The following TSPO variants were observed in gnomAD, a reference collection of about 807,000 sequenced individuals.
TSPO encodes translocator protein.
A neutral mutation model predicts 13.9 loss-of-function variants in TSPO; 14 were observed. The observed-to-expected ratio is 1.01, with a 90% CI of 0.67 to 1.58. The LOEUF (loss-of-function observed/expected upper bound fraction) is 1.58. TSPO is among the 40% of genes most tolerant of loss of function. The pLI is 0.00. For synonymous variants in TSPO, 114 were observed against 105.9 expected (o/e 1.08, Z -0.47); for missense variants, 232 against 229.6 (o/e 1.01, Z -0.07).
At chr22:43,155,513 C>T (rs544185829) in intron 1 of TSPO, among the ~76,000 whole-genome samples, 28 of 152,334 alleles carry the variant, frequency 1.8e-4, no homozygotes, top group African/African-American at 6.5e-4. Flanking sequence ...GATAAGGTCT[C>T]GTCACAGGTC....
chr22:43,153,220 C>T (rs1931143378), intron 1 of TSPO, among the ~76,000 whole-genome samples: 1 of 151,582 alleles, frequency 6.6e-6, no homozygotes, highest in African/African-American at 2.4e-5. Context: ...GTGATGCAAT[C>T]ATAGCTCACT....
At chr22:43,157,438 CTG>C (rs1931288777) in intron 1 of TSPO, among the ~76,000 whole-genome samples, 1 of 152,126 alleles carries the variant, frequency 6.6e-6, no homozygotes, top group African/African-American at 2.4e-5. Context: ...GATGGGGTAA[CTG>C]TCCCCATTCA....
Position 43,162,927 on chromosome 22 carries a change from C to T in TSPO, c.446C>T (p.Thr149Ile), listed in dbSNP as rs1258626809. 6.3e-7 allele frequency: 1 copy of T among 1,598,146 alleles called. No individual in the cohort carries two copies. The highest frequency in any genetic ancestry group is 1.3e-5 in the African/African-American group (1 of 74,784). ...CTGGCCTGGCTGGCCTTCACGACCA[C>T]ACTCAACTACTGCGTATGGCGGGAC... is the stretch of plus-strand genomic sequence containing the variant. ...PYLAWLAFTT[T>I]LNYCVWRDNH... is the part of the protein sequence containing the mutation. Residue 149 changes from threonine to isoleucine, a missense_variant, in exon 4 of 4, where the codon ACA (threonine) becomes ATA (isoleucine). Physicochemically the swap from Thr to Ile is moderately conservative, Grantham distance 89. Transcript: ENST00000337554.
At chr22:43,154,831 C>G (rs1931200534) in intron 1 of TSPO, among the ~76,000 whole-genome samples, 1 of 152,122 alleles carries the variant, frequency 6.6e-6, no homozygotes, top group Non-Finnish European at 1.5e-5. Flanking sequence ...CCTGGAGACC[C>G]TGGGTCCCAC....
intron 3 of TSPO, among the ~76,000 whole-genome samples, chr22:43,161,792 G>A (rs1004115792): frequency 6.6e-6 from 1 of 152,036 alleles, no homozygotes; most frequent in Non-Finnish European, 1.5e-5. Flanking sequence ...GTAAGCCACC[G>A]CGCCCGGCTG....
At chr22:43,156,817 T>C (rs1931265274) in intron 1 of TSPO, among the ~76,000 whole-genome samples, 2 of 152,202 alleles carry the variant, frequency 1.3e-5, no homozygotes, top group Non-Finnish European at 2.9e-5. Context: ...GCTGGTGGTA[T>C]TAACCTTGCT....
At position 43,154,246 on chromosome 22, in the gene TSPO, A is replaced by G. The variant is rs192155835; in HGVS notation, c.-30+2642A>G. On this transcript the variant is annotated intron_variant, in intron 1 of 3. Transcript: ENST00000337554. ...CCTGGGACAGTGCTGGCTTCGTTGG[A>G]GAGACAAGGCTCAGGGGAGTGGGTG... is the stretch of plus-strand genomic sequence containing the variant. 4.4e-3 allele frequency among the ~76,000 whole-genome samples: 671 copies of G among 152,132 alleles called. 6 individuals carry two copies. Among genetic ancestry groups the G allele is most frequent in the African/African-American group, 0.015 (638 of 41,476 alleles).
chr22:43,161,271 C>A, intron 3 of TSPO, 81 bp downstream of exon 3: 1 of 1,540,570 alleles, frequency 6.5e-7, no homozygotes, highest in South Asian at 1.2e-5. Context: ...GACACTGGGT[C>A]AGTGTCTATA....
At chr22:43,162,185 G>C (rs890292960) in intron 3 of TSPO, among the ~76,000 whole-genome samples, 1 of 151,640 alleles carries the variant, frequency 6.6e-6, no homozygotes, top group Non-Finnish European at 1.5e-5. Context: ...GCAGTGGCGT[G>C]ATCTCAGCTC....
At position 43,159,322 on chromosome 22, in the gene TSPO, C is replaced by G; in HGVS notation, c.84C>G (p.Gly28=). Reference sequence around the variant, plus strand: ...TCGTGGGCTCCCGCTTTGTCCACGGCGAGGGTCTCCGCTGGTACGCCGGCC... The same window carrying G: ...TCGTGGGCTCCCGCTTTGTCCACGGGGAGGGTCTCCGCTGGTACGCCGGCC... The part of the protein sequence containing the change: ...GCFVGSRFVH[G]EGLRWYAGLQ... The change falls in exon 2 of 4, where the codon GGC becomes GGG. Residue 28 remains glycine (G), a synonymous_variant. Transcript: ENST00000337554. 2 of 1,549,248 alleles carry G rather than the reference C, an allele frequency of 1.3e-6. No homozygotes were observed. Among genetic ancestry groups the G allele is most frequent in the East Asian group, 4.9e-5 (2 of 40,960 alleles).
At position 43,159,333 on chromosome 22, in the gene TSPO, G is replaced by A. The variant is rs1931358056; in HGVS notation, c.95G>A (p.Arg32His). 6.5e-7 allele frequency: 1 copy of A among 1,548,292 alleles called. No homozygotes were observed. The highest frequency in any genetic ancestry group is 8.7e-7 in the Non-Finnish European group (1 of 1,146,558). ...CGCTTTGTCCACGGCGAGGGTCTCC[G>A]CTGGTACGCCGGCCTGCAGAAGCCC... ...GSRFVHGEGL[R>H]WYAGLQKPSW... The change falls in exon 2 of 4, where the codon CGC becomes CAC. Residue 32 changes from arginine (R) to histidine (H), a missense_variant. Arg to His is a conservative substitution (Grantham distance 29, BLOSUM62 0). Coordinates refer to ENST00000337554, the MANE Select transcript of TSPO (RefSeq NM_000714.6).
At chr22:43,159,523 T>C in intron 2 of TSPO, 103 bp downstream of exon 2, 5 of 1,221,890 alleles carry the variant, frequency 4.1e-6, no homozygotes, top group Non-Finnish European at 5.3e-6. Context: ...GACCATGGCA[T>C]GGTTTCCCCA....
At chr22:43,152,869 C>G (rs1363142097) in intron 1 of TSPO, among the ~76,000 whole-genome samples, 1 of 152,212 alleles carries the variant, frequency 6.6e-6, no homozygotes, top group African/African-American at 2.4e-5. Flanking sequence ...CGTCTGTACA[C>G]ACTTGTGCCT....
At chr22:43,152,280 G>T (rs1194286364) in intron 1 of TSPO, 1 of 152,308 alleles carries the variant, frequency 6.6e-6, no homozygotes. Context: ...GCTGCCAGAG[G>T]CCATGGCCTG....
At chr22:43,154,011 G>C (rs1472006972) in intron 1 of TSPO, among the ~76,000 whole-genome samples, 2 of 152,110 alleles carry the variant, frequency 1.3e-5, no homozygotes, top group Non-Finnish European at 2.9e-5. Context: ...CGAAGGAAAG[G>C]GAAGTAGTCT....
In TSPO at chr22:43,157,009, G is replaced by A. The variant is rs368551565; in HGVS notation, c.-29-2201G>A. ...GTCACTCAGCTGTGGACTCACGCAGGCTCCAGCAGAGCAGCGGTTATGTCT... is the reference window on the plus strand; with the variant it reads ...GTCACTCAGCTGTGGACTCACGCAGACTCCAGCAGAGCAGCGGTTATGTCT... On this transcript the variant is annotated intron_variant, in intron 1 of 3. Coordinates refer to ENST00000337554, the MANE Select transcript of TSPO (RefSeq NM_000714.6). Among the ~76,000 whole-genome samples the A allele has an allele frequency of 5.8e-4, 88 of 152,316 alleles. 1 individual carries two copies. The highest frequency in any genetic ancestry group is 1.5e-3 in the South Asian group (7 of 4,818).
At chr22:43,158,497 G>A (rs1467737291) in intron 1 of TSPO, among the ~76,000 whole-genome samples, 1 of 152,168 alleles carries the variant, frequency 6.6e-6, no homozygotes, top group Non-Finnish European at 1.5e-5. Context: ...TGAGGTCAGG[G>A]TGGGAGCCAT....
chr22:43,155,726 C>T (rs975014452), intron 1 of TSPO, among the ~76,000 whole-genome samples: 6 of 152,134 alleles, frequency 3.9e-5, no homozygotes, highest in Admixed American at 2.0e-4. Flanking sequence ...CAGAGACGAG[C>T]CTTGGATGGA....
chr22:43,154,195 A>G (rs1931180482), intron 1 of TSPO, among the ~76,000 whole-genome samples: 1 of 152,070 alleles, frequency 6.6e-6, no homozygotes, highest in African/African-American at 2.4e-5. Context: ...GCCATGAATC[A>G]TTTTTAAAAA....
Sources: gnomAD v4.1 joint callset for allele counts (sites outside exome capture counted in the v4.1 genomes callset) on GRCh38, gnomAD v4.1.1 for gene constraint, MANE v1.5 for transcripts, NCBI Gene and HGNC (gene_info 2026-07-23, HGNC 2026-07-21) for gene names.